SMARCB1: variants seen among roughly 807,000 people sequenced by gnomAD.
SMARCB1 encodes SWI/SNF related BAF chromatin remodeling complex subunit B1.
SMARCB1 carries 5 observed loss-of-function variants against 49.0 expected under a neutral mutation model. That is an observed-to-expected ratio of 0.10 (90% CI 0.05 to 0.21). SMARCB1 has a LOEUF of 0.21. SMARCB1 is among the 10% of genes least tolerant of loss of function. The pLI is 1.00. For synonymous variants in SMARCB1, 201 were observed against 200.1 expected (o/e 1.00, Z -0.04); for missense variants, 226 against 509.2 (o/e 0.44, Z 5.35).
Position 23,837,357 on chromosome 22 carries a change from G to A in SMARCB1, c.*3177G>A. The A allele has an allele frequency of 1.4e-6, 1 of 714,568 alleles. No individual in the cohort carries two copies. The highest frequency in any genetic ancestry group is 1.9e-5 in the South Asian group (1 of 53,082). The allele number at this position is 714,568 out of a possible 1,614,324, so 44.3% of individuals were successfully genotyped here. On this transcript the variant is annotated 3_prime_UTR_variant, in exon 9 of 9. Coordinates refer to ENST00000644036, the MANE Select transcript of SMARCB1 (RefSeq NM_003073.5). ...GGCCCAGAAGCAGGCAGGACCCAGG[G>A]AGGGGAGGGCCTGAGAATAGTGGAG...
At chr22:23,812,347 A>G (rs544160551) in intron 5 of SMARCB1, among the ~76,000 whole-genome samples, 1 of 152,116 alleles carries the variant, frequency 6.6e-6, no homozygotes, top group Non-Finnish European at 1.5e-5. Context: ...CTCCCCCCCA[A>G]AAAAATCTCT....
chr22:23,816,745 C>A, intron 5 of SMARCB1, 25 bp from the exon 6 acceptor site: 1 of 1,608,538 alleles, frequency 6.2e-7, no homozygotes, highest in Admixed American at 1.7e-5. Flanking sequence ...AATCTCTTGG[C>A]ATCCCTTCCC....
At chr22:23,821,316 C>T (rs1322228982) in intron 6 of SMARCB1, among the ~76,000 whole-genome samples, 3 of 152,230 alleles carry the variant, frequency 2.0e-5, no homozygotes, top group African/African-American at 7.2e-5. Context: ...TCCTGGGCAC[C>T]GTGACCCTGG....
intron 3 of SMARCB1, among the ~76,000 whole-genome samples, chr22:23,800,425 T>A (rs1929067567): frequency 6.6e-6 from 1 of 152,144 alleles, no homozygotes; most frequent in African/African-American, 2.4e-5. Context: ...TGATCATGTC[T>A]CTTCCTTCAA....
intron 3 of SMARCB1, among the ~76,000 whole-genome samples, chr22:23,793,965 A>G (rs1169856626): frequency 1.3e-5 from 2 of 151,746 alleles, no homozygotes; most frequent in African/African-American, 4.8e-5. Flanking sequence ...TTTCTTTGAG[A>G]CAGAGTTTCA....
Position 23,836,769 on chromosome 22 carries a change from A to T in SMARCB1, c.*2589A>T. The T allele has an allele frequency of 7.2e-7, 1 of 1,395,370 alleles. No homozygotes were observed. The highest frequency in any genetic ancestry group is 1.8e-5 in the South Asian group (1 of 55,354). The allele number at this position is 1,395,370 out of a possible 1,614,324, so 86.4% of individuals were successfully genotyped here. A position where few individuals can be genotyped will look rare whatever the true frequency, so the allele number is the denominator to read the frequency against. On this transcript the variant is annotated 3_prime_UTR_variant, in exon 9 of 9. Transcript: ENST00000644036. ...TCTGTTTATTCAGGTGGGCCCTTGC[A>T]TGGGCCCAGCCTTTAGGATGGGTTT...
chr22:23,801,510 T>C, intron 4 of SMARCB1: 1 of 402,886 alleles, frequency 2.5e-6, no homozygotes, highest in Admixed American at 3.1e-5. Flanking sequence ...TCCCTCACAG[T>C]TCTGGGGCCC....
chr22:23,836,954 A>G lies in SMARCB1; in HGVS notation c.*2774A>G. 1 of 1,594,226 alleles carries G rather than the reference A, an allele frequency of 6.3e-7. No homozygotes were observed. The highest frequency in any genetic ancestry group is 8.5e-7 in the Non-Finnish European group (1 of 1,171,170). On this transcript the variant is annotated 3_prime_UTR_variant, in exon 9 of 9. Coordinates refer to ENST00000644036, the MANE Select transcript of SMARCB1 (RefSeq NM_003073.5). ...GGGGTCTTCTGCAGGGGCATCCAGG[A>G]GCAGCTTTCTGTGGGGAGGGGCCCG...
chr22:23,836,138 C>G lies in SMARCB1; in HGVS notation c.*1958C>G. 4 of 985,428 alleles carry G rather than the reference C, an allele frequency of 4.1e-6. No homozygotes were observed. The highest frequency in any genetic ancestry group is 4.8e-6 in the Non-Finnish European group (4 of 829,948). The allele number at this position is 985,428 out of a possible 1,614,324, so 61.0% of individuals were successfully genotyped here. A position where few individuals can be genotyped will look rare whatever the true frequency, so the allele number is the denominator to read the frequency against. ...TCAGCTAAAAAGGGCAGGAACAGAA[C>G]CTTCCAGAAGTCCCTGCCTCACCCA... On this transcript the variant is annotated 3_prime_UTR_variant, in exon 9 of 9. Transcript: ENST00000644036.
rs986716062 is a variant in SMARCB1 at position 23,803,094 on chromosome 22, AT to A, written c.501-198del. 8 of 680,452 alleles carry A rather than the reference AT, an allele frequency of 1.2e-5. No homozygotes were observed. The African/African-American group carries it at 1.2e-4, about 11-fold the overall frequency. 42.2% of individuals were successfully genotyped at this position (680,452 alleles called of 1,614,324 possible). On this transcript the variant is annotated intron_variant, in intron 4 of 8. Coordinates refer to ENST00000644036, the MANE Select transcript of SMARCB1 (RefSeq NM_003073.5). ...TATTGCAGACAGACTGGTGCTTGTT[AT>A]TTATGGCCCCAACTGTCCCCATTAG...
intron 4 of SMARCB1, chr22:23,802,066 T>G (rs539317417): frequency 6.4e-6 from 1 of 155,110 alleles, no homozygotes; most frequent in South Asian, 2.0e-4. Context: ...CTGCTCTCCC[T>G]GGGGTCTCTA....
intron 5 of SMARCB1, chr22:23,804,525 A>G (rs1411655625): frequency 1.3e-5 from 2 of 151,814 alleles, no homozygotes; most frequent in East Asian, 1.9e-4. Context: ...TTCACTTATC[A>G]TAAGTATCTT....
At chr22:23,792,507 A>T (rs11705522) in intron 2 of SMARCB1, 21,554 of 196,468 alleles carry the variant, frequency 0.11, 1,253 homozygotes, top group South Asian at 0.17. Flanking sequence ...AGACACTCCC[A>T]TGGAGACATT....
intron 5 of SMARCB1, among the ~76,000 whole-genome samples, chr22:23,814,146 A>G (rs1050472366): frequency 6.6e-6 from 1 of 152,136 alleles, no homozygotes; most frequent in Non-Finnish European, 1.5e-5. Flanking sequence ...TTTGAAAAAC[A>G]GTAAAGTGGG....
At chr22:23,802,476 C>T (rs1929229496) in intron 4 of SMARCB1, 1 of 152,036 alleles carries the variant, frequency 6.6e-6, no homozygotes. Flanking sequence ...TCTATCTCCT[C>T]TTCCCATCCC....
rs34222523 is a variant in SMARCB1, at chr22:23,834,578, C to T, written c.*398C>T. The stretch of plus-strand genomic sequence containing the variant: ...AAATAATGAGAGCCAGGAGTGGGGC[C>T]GGGGCCTGGGGGGACGAAGGTGGTA... On this transcript the variant is annotated 3_prime_UTR_variant, in exon 9 of 9. Coordinates refer to ENST00000644036, the MANE Select transcript of SMARCB1 (RefSeq NM_003073.5). 2,990 of 699,082 alleles carry T rather than the reference C, an allele frequency of 4.3e-3. 14 individuals are homozygous for T. Among genetic ancestry groups the T allele is most frequent in the Middle Eastern group, 9.5e-3 (40 of 4,208 alleles). 43.3% of individuals were successfully genotyped at this position (699,082 alleles called of 1,614,324 possible).
At chr22:23,790,439 T>C (rs1221681724) in intron 1 of SMARCB1, among the ~76,000 whole-genome samples, 1 of 152,354 alleles carries the variant, frequency 6.6e-6, no homozygotes, top group Middle Eastern at 3.4e-3. Flanking sequence ...CTCACACCTA[T>C]AATCCTAGCA....
chr22:23,807,536 C>A lies in SMARCB1; in HGVS notation c.628+4114C>A, dbSNP rs1456870786. On this transcript the variant is annotated intron_variant, in intron 5 of 8. Transcript: ENST00000644036. ...GCTTCAGTGAGCCGTGATTGAGCCA[C>A]TGCACTCCAGCCTGGGCAACAGAGT... 2.6e-5 allele frequency among the ~76,000 whole-genome samples: 4 copies of A among 151,688 alleles called. No individual in the cohort carries two copies. In the East Asian group the frequency reaches 7.8e-4, roughly 30 times the overall value.
rs727504162 is a variant in SMARCB1 at position 23,793,696 on chromosome 22, G to A, written c.362+8G>A. ...GCCCCCCACCTACCTCAGGTAATGCGTTCCTGGCCAGGGCATCTCTGGGGA... is the reference window on the plus strand; with the variant it reads ...GCCCCCCACCTACCTCAGGTAATGCATTCCTGGCCAGGGCATCTCTGGGGA... On this transcript the variant is annotated splice_region_variant and intron_variant, in intron 3 of 8. Coordinates refer to ENST00000644036, the MANE Select transcript of SMARCB1 (RefSeq NM_003073.5). The A allele has an allele frequency of 5.0e-6, 8 of 1,613,690 alleles. No individual in the cohort carries two copies. The highest frequency in any genetic ancestry group is 1.6e-4 in the Middle Eastern group (1 of 6,084).
Sources: gnomAD v4.1 joint callset for allele counts (sites outside exome capture counted in the v4.1 genomes callset) on GRCh38, gnomAD v4.1.1 for gene constraint, MANE v1.5 for transcripts, NCBI Gene and HGNC (gene_info 2026-07-23, HGNC 2026-07-21) for gene names.